GNB1: variants seen among roughly 807,000 people sequenced by gnomAD.
GNB1 encodes the protein G protein subunit beta 1.
Under a neutral mutation model 42.9 loss-of-function variants are expected in GNB1, and 2 were observed. The observed-to-expected ratio is 0.05, with a 90% CI of 0.02 to 0.15. The LOEUF is 0.15. Among genes scored for constraint, GNB1 ranks in the 10% least tolerant of loss-of-function variants. The pLI, the probability that GNB1 is intolerant of heterozygous loss-of-function variation, is 1.00. For missense variants in GNB1, 193 were observed against 462.2 expected, an observed-to-expected ratio of 0.42 and a Z score of 5.34; for synonymous variants, 183 against 174.7, an observed-to-expected ratio of 1.05 and a Z score of -0.38.
intron 5 of GNB1, among the ~76,000 whole-genome samples, chr1:1,813,728 C>T (rs1646813532): frequency 6.6e-6 from 1 of 151,882 alleles, no homozygotes. Context: ...TGGGCTCAAG[C>T]CATTCGCCTG....
At chr1:1,837,160 T>A (rs1453142942) in intron 2 of GNB1, among the ~76,000 whole-genome samples, 1 of 152,176 alleles carries the variant, frequency 6.6e-6, no homozygotes, top group Non-Finnish European at 1.5e-5. Flanking sequence ...ACGCATTCTA[T>A]CTTTGATCTC....
intron 5 of GNB1, among the ~76,000 whole-genome samples, chr1:1,807,462 T>TA (rs1646711347): frequency 8.1e-5 from 2 of 24,620 alleles, no homozygotes; most frequent in Non-Finnish European, 1.3e-4. Context: ...AGATCCTGAC[T>TA]GAAAAAAAAA....
intron 1 of GNB1, among the ~76,000 whole-genome samples, chr1:1,869,884 A>G (rs1482554591): frequency 1.3e-5 from 2 of 151,890 alleles, no homozygotes; most frequent in Admixed American, 6.6e-5. Context: ...TTTTCTTGAG[A>G]CAACATCTCA....
intron 1 of GNB1, among the ~76,000 whole-genome samples, chr1:1,877,987 T>C (rs1649641144): frequency 6.6e-6 from 1 of 152,092 alleles, no homozygotes; most frequent in South Asian, 2.1e-4. Context: ...CTCAGATGAA[T>C]GAGGAGAAAG....
At chr1:1,850,182 G>A (rs1236938813) in intron 1 of GNB1, among the ~76,000 whole-genome samples, 1 of 151,694 alleles carries the variant, frequency 6.6e-6, no homozygotes, top group Admixed American at 6.6e-5. Context: ...CCAGGCTGGA[G>A]TGCAATGGCG....
intron 1 of GNB1, among the ~76,000 whole-genome samples, chr1:1,845,292 G>C (rs1241099632): frequency 6.6e-6 from 1 of 152,216 alleles, no homozygotes; most frequent in Non-Finnish European, 1.5e-5. Flanking sequence ...GCTTAAAGTA[G>C]GCCGGGTGCG....
chr1:1,801,974 A>C (rs981441685), intron 7 of GNB1, among the ~76,000 whole-genome samples: 5 of 152,224 alleles, frequency 3.3e-5, no homozygotes, highest in African/African-American at 1.2e-4. Flanking sequence ...TGAGTGAGAA[A>C]GAACAGTTCA....
At chr1:1,800,478 T>C (rs1000893568) in intron 7 of GNB1, among the ~76,000 whole-genome samples, 8 of 152,006 alleles carry the variant, frequency 5.3e-5, no homozygotes, top group Non-Finnish European at 1.2e-4. Context: ...TAAGTGGTGC[T>C]AACAACAACA....
chr1:1,852,957 G>A (rs1250241159), intron 1 of GNB1, among the ~76,000 whole-genome samples: 1 of 151,990 alleles, frequency 6.6e-6, no homozygotes, highest in Non-Finnish European at 1.5e-5. Flanking sequence ...AAAGCTCTAC[G>A]CACTGCAGCG....
intron 1 of GNB1, among the ~76,000 whole-genome samples, chr1:1,860,478 C>T (rs932855412): frequency 6.6e-6 from 1 of 150,514 alleles, no homozygotes; most frequent in Non-Finnish European, 1.5e-5. Context: ...AACAAACAAA[C>T]AAAAAAAAAT....
chr1:1,820,240 G>A (rs898006976), intron 3 of GNB1, among the ~76,000 whole-genome samples: 7 of 150,944 alleles, frequency 4.6e-5, no homozygotes, highest in African/African-American at 1.2e-4. Flanking sequence ...ACCTGTAATC[G>A]TAACTATTTG....
At chr1:1,864,314 C>CAAAAAAA (rs1173466617) in intron 1 of GNB1, among the ~76,000 whole-genome samples, 419 of 37,530 alleles carry the variant, frequency 0.011, 22 homozygotes, top group Non-Finnish European at 0.016. Flanking sequence ...AAGACTCTCT[C>CAAAAAAA]AAAAAAAAAA....
chr1:1,890,484 G>GGCCCC (rs1650430879), intron 1 of GNB1: 2 of 148,170 alleles, frequency 1.3e-5, no homozygotes, highest in African/African-American at 2.5e-5. Flanking sequence ...CGCAGGGCCC[G>GGCCCC]GCCCCGCCCG....
chr1:1,789,823 T>A (rs1262849014), intron 9 of GNB1, among the ~76,000 whole-genome samples: 1 of 150,568 alleles, frequency 6.6e-6, no homozygotes, highest in Non-Finnish European at 1.5e-5. Flanking sequence ...CCCCAAAGAG[T>A]AGAATTTATT....
intron 1 of GNB1, among the ~76,000 whole-genome samples, chr1:1,878,972 TGA>T (rs915191113): frequency 6.6e-6 from 1 of 152,238 alleles, no homozygotes; most frequent in South Asian, 2.1e-4. Context: ...ACACTAGTGC[TGA>T]GAGTCTCCCA....
At position 1,804,534 on chromosome 1, in the gene GNB1, A is replaced by G. The variant is rs1570640750; in HGVS notation, c.315T>C (p.Tyr105=). 1 of 1,613,662 alleles carries G rather than the reference A, an allele frequency of 6.2e-7. No individual in the cohort carries two copies. Among genetic ancestry groups the G allele is most frequent in the Non-Finnish European group, 8.5e-7 (1 of 1,179,618 alleles). Residue 105 remains tyrosine (Y), a synonymous_variant, in exon 7 of 12, where the codon TAT becomes TAC. Transcript: ENST00000378609. The part of the protein sequence containing the change: ...LRSSWVMTCA[Y]APSGNYVACG... ...AGGCCACATAGTTCCCAGAAGGGGC[A>G]TATGCACAGGTCATGACCCAGGAGG...
chr1:1,789,638 T>C (rs985449945), intron 9 of GNB1, among the ~76,000 whole-genome samples: 5 of 136,538 alleles, frequency 3.7e-5, no homozygotes, highest in African/African-American at 1.4e-4. Context: ...GAGGCTGCGG[T>C]GAGCCAAGAT....
chr1:1,858,309 A>G (rs1648416641), intron 1 of GNB1, among the ~76,000 whole-genome samples: 1 of 152,222 alleles, frequency 6.6e-6, no homozygotes, highest in African/African-American at 2.4e-5. Context: ...CTGTCAAGAA[A>G]AACACAGACT....
In GNB1 at chr1:1,804,756, A is replaced by C. The variant is rs1397558669; in HGVS notation, c.268-175T>G. Reference sequence around the variant, plus strand: ...CCACTCAGGTGAAGCATACTTAATGAGAAGTCCAGTGCTGCACATGGGATT... The same window carrying C: ...CCACTCAGGTGAAGCATACTTAATGCGAAGTCCAGTGCTGCACATGGGATT... On this transcript the variant is annotated intron_variant, in intron 6 of 11. Coordinates refer to ENST00000378609, the MANE Select transcript of GNB1 (RefSeq NM_002074.5). Among the ~76,000 whole-genome samples, 3 of 152,394 alleles carry C rather than the reference A, an allele frequency of 2.0e-5. No homozygotes were observed. In the East Asian group the frequency reaches 5.8e-4, roughly 29 times the overall value.
Sources: allele counts gnomAD v4.1 joint callset (sites outside exome capture counted in the v4.1 genomes callset), GRCh38; gene constraint gnomAD v4.1.1; transcripts MANE v1.5; gene names NCBI Gene and HGNC (gene_info 2026-07-23, HGNC 2026-07-21).